The following CCDC91 variants were observed in gnomAD, a reference collection of about 807,000 sequenced individuals.
The protein encoded by CCDC91 is coiled-coil domain-containing protein 91.
A neutral mutation model predicts 63.2 loss-of-function variants in CCDC91; 48 were observed. The observed-to-expected ratio is 0.76, with a 90% CI of 0.60 to 0.97. The LOEUF (loss-of-function observed/expected upper bound fraction) is 0.97, where lower values mean the gene tolerates loss of function less well. Among genes scored for constraint, CCDC91 ranks in the 50% least tolerant of loss-of-function variants. The pLI, the probability that CCDC91 is intolerant of heterozygous loss-of-function variation, is 0.00. For missense variants in CCDC91, 500 were observed against 494.6 expected (o/e 1.01, Z -0.10); for synonymous variants, 167 against 165.8 (o/e 1.01, Z -0.06).
intron 1 of CCDC91, among the ~76,000 whole-genome samples, chr12:28,252,885 C>G (rs1946214000): frequency 6.6e-6 from 1 of 152,098 alleles, no homozygotes; most frequent in Admixed American, 6.6e-5. Context: ...AGATACTGTT[C>G]TGAGTGCTTC....
intron 12 of CCDC91, among the ~76,000 whole-genome samples, chr12:28,496,864 G>GTA (rs574888351): frequency 0.014 from 2,082 of 144,162 alleles, 23 homozygotes; most frequent in Non-Finnish European, 0.023. Flanking sequence ...AGTTCTTAAG[G>GTA]TATATATATA....
chr12:28,204,382 C>T (rs1225598114), intron 1 of CCDC91, among the ~76,000 whole-genome samples: 1 of 151,900 alleles, frequency 6.6e-6, no homozygotes, highest in Non-Finnish European at 1.5e-5. Context: ...TTAGCCAGTC[C>T]CTGATATGCA....
chr12:28,196,265 T>C (rs1263879907), intron 1 of CCDC91, among the ~76,000 whole-genome samples: 1 of 152,266 alleles, frequency 6.6e-6, no homozygotes, highest in African/African-American at 2.4e-5. Flanking sequence ...CTTTAAAAAT[T>C]TTTAAATTTC....
At chr12:28,372,801 C>T (rs1270264261) in intron 7 of CCDC91, among the ~76,000 whole-genome samples, 1 of 152,078 alleles carries the variant, frequency 6.6e-6, no homozygotes, top group Non-Finnish European at 1.5e-5. Context: ...TTCCTGTTTT[C>T]CAATTTAGAT....
chr12:28,333,387 T>TC (rs1431426298), intron 6 of CCDC91, among the ~76,000 whole-genome samples: 1 of 131,000 alleles, frequency 7.6e-6, no homozygotes, highest in Non-Finnish European at 1.6e-5. Flanking sequence ...AGAGCAAGAC[T>TC]CCATCTCAGA....
intron 11 of CCDC91, among the ~76,000 whole-genome samples, chr12:28,463,960 C>T (rs1262574680): frequency 1.3e-5 from 2 of 152,104 alleles, no homozygotes; most frequent in Non-Finnish European, 2.9e-5. Context: ...GACAGAGACA[C>T]TGAAGATGTA....
intron 11 of CCDC91, among the ~76,000 whole-genome samples, chr12:28,460,129 G>GT (rs1170729951): frequency 1.3e-5 from 2 of 152,120 alleles, no homozygotes; most frequent in African/African-American, 2.4e-5. Flanking sequence ...GTTGTTCACA[G>GT]TAAGAAAATG....
intron 1 of CCDC91, among the ~76,000 whole-genome samples, chr12:28,203,412 G>T (rs1942610541): frequency 6.6e-6 from 1 of 152,266 alleles, no homozygotes; most frequent in Non-Finnish European, 1.5e-5. Flanking sequence ...TCTTCTTAAT[G>T]TCACCTTATC....
At chr12:28,286,019 G>A in intron 3 of CCDC91, among the ~76,000 whole-genome samples, 1 of 151,968 alleles carries the variant, frequency 6.6e-6, no homozygotes, top group East Asian at 1.9e-4. Context: ...GAGCTCTAAT[G>A]TAGAACTGGG....
intron 11 of CCDC91, among the ~76,000 whole-genome samples, chr12:28,470,351 C>A (rs572512522): frequency 6.6e-6 from 1 of 152,152 alleles, no homozygotes; most frequent in African/African-American, 2.4e-5. Context: ...CATCATTGAT[C>A]ATCAGAAAAT....
intron 11 of CCDC91, among the ~76,000 whole-genome samples, chr12:28,464,398 C>T (rs1402467605): frequency 6.6e-6 from 1 of 152,198 alleles, no homozygotes; most frequent in Admixed American, 6.5e-5. Flanking sequence ...TCCCCAGCCC[C>T]AGGTTGTACA....
intron 7 of CCDC91, among the ~76,000 whole-genome samples, chr12:28,365,354 T>C (rs1288401273): frequency 1.3e-5 from 2 of 152,186 alleles, no homozygotes; most frequent in East Asian, 3.8e-4. Context: ...GAAGAAAATA[T>C]TGTGGAGTTA....
rs1230474172 is a variant in CCDC91, at chr12:28,267,715, TTA to T, written c.109+8281_109+8282del. On this transcript the variant is annotated intron_variant, in intron 3 of 12. Coordinates refer to ENST00000536442, the MANE Select transcript of CCDC91 (RefSeq NM_018318.5). ...TTATTTATTATATATAATTATATAA[TTA>T]TATATATTATTTATTATATATAATT... Among the ~76,000 whole-genome samples the T allele has an allele frequency of 1.3e-3, 131 of 99,980 alleles. 4 individuals carry two copies. The highest frequency in any genetic ancestry group is 4.8e-3 in the African/African-American group (128 of 26,422). The allele number at this position is 99,980 out of a possible 152,430, so 65.6% of individuals were successfully genotyped here.
intron 12 of CCDC91, among the ~76,000 whole-genome samples, chr12:28,514,576 G>C (rs997470270): frequency 1.4e-4 from 22 of 151,884 alleles, no homozygotes; most frequent in African/African-American, 5.1e-4. Flanking sequence ...CGTATGTCCA[G>C]AATGGTATTG....
chr12:28,190,742 GCCGCCTGCAGC>G (rs1047573018), intron 1 of CCDC91, 101 bp downstream of exon 1: 20 of 152,248 alleles, frequency 1.3e-4, no homozygotes, highest in African/African-American at 4.6e-4. Context: ...ACGAGCTTCC[GCCGCCTGCAGC>G]CCGCCTGCTG....
At chr12:28,470,577 C>T (rs1950766691) in intron 11 of CCDC91, among the ~76,000 whole-genome samples, 1 of 152,096 alleles carries the variant, frequency 6.6e-6, no homozygotes. Flanking sequence ...AGCCATCCCA[C>T]TCCTGGATAT....
chr12:28,548,990 G>T, intron 12 of CCDC91, 73 bp from the exon 13 acceptor site: 1 of 1,015,216 alleles, frequency 9.9e-7, no homozygotes, highest in Non-Finnish European at 1.5e-6. Flanking sequence ...GGGCTTCAGA[G>T]ACATAATATT....
At chr12:28,204,929 C>T (rs1320455455) in intron 1 of CCDC91, among the ~76,000 whole-genome samples, 1 of 152,120 alleles carries the variant, frequency 6.6e-6, no homozygotes, top group Non-Finnish European at 1.5e-5. Flanking sequence ...ATCATTGCTA[C>T]CATGCATAAT....
intron 8 of CCDC91, among the ~76,000 whole-genome samples, chr12:28,420,228 A>G (rs1001442218): frequency 3.3e-5 from 5 of 152,152 alleles, no homozygotes; most frequent in African/African-American, 1.2e-4. Context: ...ATCACAAATC[A>G]TAACAATGCA....
Sources: allele counts gnomAD v4.1 joint callset (sites outside exome capture counted in the v4.1 genomes callset), GRCh38; gene constraint gnomAD v4.1.1; transcripts MANE v1.5; gene names NCBI Gene and HGNC (gene_info 2026-07-23, HGNC 2026-07-21).